Variants in DYNLT2 observed in about 807,000 individuals in gnomAD.
The protein encoded by DYNLT2 is dynein light chain Tctex-type protein 2.
A neutral mutation model predicts 24.3 loss-of-function variants in DYNLT2; 24 were observed. The observed-to-expected ratio is 0.99, with a 90% CI of 0.71 to 1.39. The LOEUF is 1.39. Ranked by LOEUF, DYNLT2 falls within the 40% of genes most tolerant of loss-of-function variation. DYNLT2 has a pLI of 0.00. For missense variants in DYNLT2, 246 were observed against 234.5 expected (o/e 1.05, Z -0.32); for synonymous variants, 85 against 85.4 (o/e 1.00, Z 0.03).
At chr6:169,740,073 AAATGAG>A (rs1365618886), downstream of DYNLT2, 2 of 707,302 alleles carry the variant, frequency 2.8e-6, no homozygotes, top group Non-Finnish European at 4.7e-6. Context: ...GAAAGGCCTC[AAATGAG>A]AATAAGAATA....
the DYNLT2 span, chr6:169,725,571 T>C: frequency 2.7e-6 from 1 of 369,924 alleles, no homozygotes; most frequent in Non-Finnish European, 4.8e-6. Flanking sequence ...TGTCTGAATC[T>C]GCCAAGAAGA....
At chr6:169,729,211 G>A in the DYNLT2 span, among the ~76,000 whole-genome samples, 1 of 152,104 alleles carries the variant, frequency 6.6e-6, no homozygotes, top group African/African-American at 2.4e-5. Context: ...TCTTTCTAGT[G>A]CAATTTAAAC....
At chr6:169,737,547 T>C (rs561305131), downstream of DYNLT2, among the ~76,000 whole-genome samples, 2 of 152,296 alleles carry the variant, frequency 1.3e-5, no homozygotes, top group South Asian at 4.1e-4. Context: ...TCTGCTTCTT[T>C]GTTTTTCTTT....
At chr6:169,730,388 C>T in the DYNLT2 span, among the ~76,000 whole-genome samples, 8 of 152,194 alleles carry the variant, frequency 5.3e-5, no homozygotes, top group African/African-American at 1.9e-4. Flanking sequence ...CATACATTTT[C>T]AGGAGCCAGA....
At chr6:169,745,092 T>TG (rs1220219617) in intron 1 of DYNLT2, among the ~76,000 whole-genome samples, 1 of 152,000 alleles carries the variant, frequency 6.6e-6, no homozygotes, top group Admixed American at 6.6e-5. Flanking sequence ...TGTGAAGTTT[T>TG]TTTTGTTTGT....
chr6:169,751,564 G>A lies in DYNLT2; in HGVS notation c.-106C>T. ...AAGTCTCCCACCTGCGCCTCGTACG[G>A]TAGGAAGTGCCCGCCAGGGCTCCAA... On this transcript the variant is annotated 5_prime_UTR_variant, in exon 1 of 4. Transcript: ENST00000366774. 3 of 1,609,424 alleles carry A rather than the reference G, an allele frequency of 1.9e-6. No individual in the cohort carries two copies. The highest frequency in any genetic ancestry group is 1.1e-5 in the South Asian group (1 of 90,650).
rs1327743649 is a variant in DYNLT2 at position 169,748,797 on chromosome 6, T to C, written c.120+2542A>G. Among the ~76,000 whole-genome samples, 3 of 152,194 alleles carry C rather than the reference T, an allele frequency of 2.0e-5. 1 individual carries two copies. The highest frequency in any genetic ancestry group is 6.3e-3 in the Middle Eastern group (2 of 316). On this transcript the variant is annotated intron_variant, in intron 1 of 3. Transcript: ENST00000366774. ...GGGGCATTCGTGTGTGGCCTGAAAATAACCATTAATGCTTCTAATATGCTG... is the reference window on the plus strand; with the variant it reads ...GGGGCATTCGTGTGTGGCCTGAAAACAACCATTAATGCTTCTAATATGCTG...
chr6:169,750,181 C>T (rs1346874626), intron 1 of DYNLT2: 3 of 152,194 alleles, frequency 2.0e-5, no homozygotes, highest in Non-Finnish European at 2.9e-5. Context: ...AAGACCACTT[C>T]AGACCTCAGA....
At chr6:169,733,689 C>A in the DYNLT2 span, among the ~76,000 whole-genome samples, 6 of 152,134 alleles carry the variant, frequency 3.9e-5, no homozygotes, top group African/African-American at 7.2e-5. Context: ...GTTACTGTAG[C>A]CTTGTAGTAT....
downstream of DYNLT2, chr6:169,738,995 A>T (rs548850023): frequency 6.6e-6 from 1 of 152,168 alleles, no homozygotes; most frequent in Admixed American, 6.5e-5. Context: ...AGTGGAAAAA[A>T]AAACCCTTCT....
intron 1 of DYNLT2, among the ~76,000 whole-genome samples, chr6:169,744,641 C>T (rs73242950): frequency 0.18 from 27,432 of 152,052 alleles, 3,045 homozygotes; most frequent in African/African-American, 0.3. Context: ...ACCTTTCTTC[C>T]TCCCTACCCT....
intron 1 of DYNLT2, chr6:169,750,271 C>G (rs1789942275): frequency 6.6e-6 from 1 of 152,206 alleles, no homozygotes; most frequent in African/African-American, 2.4e-5. Flanking sequence ...ACCTGTTACT[C>G]AGACTCATTG....
At chr6:169,740,018 A>C, downstream of DYNLT2, 1 of 564,472 alleles carries the variant, frequency 1.8e-6, no homozygotes, top group South Asian at 2.6e-5. Flanking sequence ...AGTAAGTATA[A>C]ATATAAAAAT....
chr6:169,739,099 T>C (rs895107105), downstream of DYNLT2: 1 of 152,130 alleles, frequency 6.6e-6, no homozygotes, highest in African/African-American at 2.4e-5. Flanking sequence ...CTGGTTGTAA[T>C]GATGAAAATC....
the DYNLT2 span, chr6:169,725,529 C>T: frequency 1.5e-5 from 6 of 393,548 alleles, no homozygotes; most frequent in Admixed American, 4.4e-5. Flanking sequence ...TCTGTCCCAC[C>T]ACGTGCAGGT....
At chr6:169,751,184 CTTCAATTTCGCAT>C in intron 1 of DYNLT2, 142 bp downstream of exon 1, 5 of 1,214,346 alleles carry the variant, frequency 4.1e-6, no homozygotes, top group Non-Finnish European at 5.7e-6. Context: ...CAGTCTCAGG[CTTCAATTTCGCAT>C]CTGGGGAAAA....
At chr6:169,742,967 A>C (rs1407855974) in intron 3 of DYNLT2, 113 bp downstream of exon 3, 20 of 817,378 alleles carry the variant, frequency 2.4e-5, no homozygotes, top group Non-Finnish European at 3.5e-5. Context: ...TCCTTCAAAA[A>C]GTACCTCAGA....
At chr6:169,745,176 T>G (rs1430098213) in intron 1 of DYNLT2, among the ~76,000 whole-genome samples, 1 of 151,888 alleles carries the variant, frequency 6.6e-6, no homozygotes, top group Non-Finnish European at 1.5e-5. Context: ...CACTGCAACC[T>G]CTGCCTCCTA....
At chr6:169,737,682 G>GCTCCT (rs921973007), downstream of DYNLT2, among the ~76,000 whole-genome samples, 2 of 152,278 alleles carry the variant, frequency 1.3e-5, no homozygotes, top group African/African-American at 4.8e-5. Context: ...ATGGGTGCCT[G>GCTCCT]CTCCTTTTTC....
Sources: allele counts gnomAD v4.1 joint callset (sites outside exome capture counted in the v4.1 genomes callset), GRCh38; gene constraint gnomAD v4.1.1; transcripts MANE v1.5; gene names NCBI Gene and HGNC (gene_info 2026-07-23, HGNC 2026-07-21).